NOLC1: variants seen among roughly 807,000 people sequenced by gnomAD.
NOLC1 encodes nucleolar and coiled-body phosphoprotein 1.
In NOLC1, 37 loss-of-function variants were observed where a neutral mutation model predicts 73.4. The ratio of observed to expected loss-of-function variants is 0.50; its 90% confidence interval spans 0.39 to 0.66. The LOEUF is 0.66. Among genes scored for constraint, NOLC1 ranks in the 30% least tolerant of loss-of-function variants. The pLI is 0.00. For synonymous variants in NOLC1, 327 were observed against 302.6 expected (o/e 1.08, Z -0.84); for missense variants, 921 against 838.9 (o/e 1.10, Z -1.21).
At chr10:102,161,507 C>A in intron 10 of NOLC1, 49 bp from the exon 11 acceptor site, 1 of 1,413,918 alleles carries the variant, frequency 7.1e-7, no homozygotes, top group Non-Finnish European at 1.0e-6. Flanking sequence ...GCTGGGGTTA[C>A]AGTTGTGAGC....
chr10:102,159,408 G>A, intron 6 of NOLC1, 25 bp from the exon 7 acceptor site: 1 of 1,613,914 alleles, frequency 6.2e-7, no homozygotes, highest in Non-Finnish European at 8.5e-7. Flanking sequence ...TTTTCCTGTG[G>A]TAATCAATTT....
At position 102,160,736 on chromosome 10, in the gene NOLC1, G is replaced by A; in HGVS notation, c.1384G>A (p.Ala462Thr). The A allele has an allele frequency of 6.2e-7, 1 of 1,614,114 alleles. No individual in the cohort carries two copies. Among genetic ancestry groups the A allele is most frequent in the Non-Finnish European group, 8.5e-7 (1 of 1,179,966 alleles). The change falls in exon 10 of 13, where the codon GCT becomes ACT. Residue 462 changes from alanine to threonine, a missense_variant. By Grantham distance (58) the Ala-to-Thr change is moderately conservative. Coordinates refer to ENST00000605788, the MANE Select transcript of NOLC1 (RefSeq NM_004741.5). Reference sequence around the variant, plus strand: ...AGCTCTATCTCTGCCTGCCAAGCAGGCTCCTCAGGGTAGTAGGGACAGCAG... The same window carrying A: ...AGCTCTATCTCTGCCTGCCAAGCAGACTCCTCAGGGTAGTAGGGACAGCAG... Reference protein sequence around the residue: ...KAALSLPAKQAPQGSRDSSSD... With the variant: ...KAALSLPAKQTPQGSRDSSSD...
chr10:102,160,830 A>C lies in NOLC1; in HGVS notation c.1478A>C (p.Lys493Thr). The C allele has an allele frequency of 6.2e-7, 1 of 1,614,192 alleles. No individual in the cohort carries two copies. Among genetic ancestry groups the C allele is most frequent in the Non-Finnish European group, 8.5e-7 (1 of 1,180,036 alleles). Residue 493 changes from lysine to threonine, a missense_variant, in exon 10 of 13, where the codon AAG (lysine) becomes ACG (threonine). Lys to Thr is a moderately conservative substitution (Grantham distance 78, BLOSUM62 -1). Coordinates refer to ENST00000605788, the MANE Select transcript of NOLC1 (RefSeq NM_004741.5). ...ACATCTAAGTCTGCAGTTAAGAAGAAGCCACAGAAGGTAGCAGGAGGTGCA... is the reference window on the plus strand; with the variant it reads ...ACATCTAAGTCTGCAGTTAAGAAGACGCCACAGAAGGTAGCAGGAGGTGCA... ...EKTSKSAVKKKPQKVAGGAAP... is the reference protein window; with the variant it reads ...EKTSKSAVKKTPQKVAGGAAP...
chr10:102,153,305 C>A (rs889920299), intron 1 of NOLC1, among the ~76,000 whole-genome samples: 1 of 152,232 alleles, frequency 6.6e-6, no homozygotes, highest in Non-Finnish European at 1.5e-5. Context: ...AAAGTGAAAG[C>A]TGTACCATAG....
intron 10 of NOLC1, 118 bp from the exon 11 acceptor site, chr10:102,161,438 C>T (rs1305203860): frequency 4.1e-6 from 3 of 731,508 alleles, no homozygotes; most frequent in East Asian, 2.7e-5. Context: ...CACTATATTG[C>T]CCAGGCTGAT....
chr10:102,152,659 G>A, intron 1 of NOLC1, 129 bp downstream of exon 1: 1 of 1,335,392 alleles, frequency 7.5e-7, no homozygotes, highest in Non-Finnish European at 1.0e-6. Context: ...CCTTTACGCC[G>A]ACCCCTCGGC....
At chr10:102,157,130 T>C (rs2069610482) in intron 2 of NOLC1, 56 bp downstream of exon 2, 1 of 1,613,990 alleles carries the variant, frequency 6.2e-7, no homozygotes, top group Non-Finnish European at 8.5e-7. Flanking sequence ...GGCTGGGCTG[T>C]GTTTCTTGGT....
intron 10 of NOLC1, 95 bp downstream of exon 10, chr10:102,161,188 A>G (rs991420444): frequency 1.2e-5 from 15 of 1,292,092 alleles, no homozygotes; most frequent in Middle Eastern, 1.9e-4. Flanking sequence ...GAGGCCCACC[A>G]CTGGGCTTCC....
In NOLC1 at chr10:102,158,104, G is replaced by T; in HGVS notation, c.497G>T (p.Ser166Ile). ...AAAGCTCCTCCTAAGAAGGCCAAGAGCTCTGATTCTGATTCTGACTCAAGC... is the reference window on the plus strand; with the variant it reads ...AAAGCTCCTCCTAAGAAGGCCAAGATCTCTGATTCTGATTCTGACTCAAGC... ...AAKAPPKKAKSSDSDSDSSSE... is the reference protein window; with the variant it reads ...AAKAPPKKAKISDSDSDSSSE... Residue 166 changes from serine (S) to isoleucine (I), a missense_variant, in exon 5 of 13, where the codon AGC (serine) becomes ATC (isoleucine). Ser to Ile is a moderately radical substitution (Grantham distance 142, BLOSUM62 -2). Coordinates refer to ENST00000605788, the MANE Select transcript of NOLC1 (RefSeq NM_004741.5). 1 of 1,614,154 alleles carries T rather than the reference G, an allele frequency of 6.2e-7. No individual in the cohort carries two copies. The highest frequency in any genetic ancestry group is 1.1e-5 in the South Asian group (1 of 91,082).
At chr10:102,158,942 A>T (rs1357167699) in intron 5 of NOLC1, among the ~76,000 whole-genome samples, 1 of 151,858 alleles carries the variant, frequency 6.6e-6, no homozygotes, top group Non-Finnish European at 1.5e-5. Flanking sequence ...TAAAAATATA[A>T]AAATTAGCTG....
intron 1 of NOLC1, 97 bp from the exon 2 acceptor site, chr10:102,156,922 A>T: frequency 2.6e-6 from 3 of 1,149,134 alleles, no homozygotes; most frequent in African/African-American, 1.5e-5. Context: ...TGTAACATTT[A>T]TACCAAATTT....
chr10:102,163,424 C>T lies in NOLC1; in HGVS notation c.*1155C>T, dbSNP rs1217244142. 1 of 152,172 alleles carries T rather than the reference C, an allele frequency of 6.6e-6. No homozygotes were observed. The highest frequency in any genetic ancestry group is 1.5e-5 in the Non-Finnish European group (1 of 68,038). 9.4% of individuals were successfully genotyped at this position (152,172 alleles called of 1,614,324 possible). On this transcript the variant is annotated 3_prime_UTR_variant, in exon 13 of 13. Transcript: ENST00000605788. The stretch of plus-strand genomic sequence containing the variant: ...CAAACTAATAGGATTATTGTGTCTC[C>T]TAGTTGGTACCTGGGAGCAATTGAC...
rs2069716544 is a variant in NOLC1, at chr10:102,161,913, C to G, written c.1929C>G (p.Ser643=). The G allele has an allele frequency of 6.2e-7, 1 of 1,613,984 alleles. No individual in the cohort carries two copies. ...IEVDSRVADN[S]FDAKRGAAGD... The stretch of plus-strand genomic sequence containing the variant: ...TGGATTCACGAGTTGCGGACAACTC[C>G]TTTGATGCCAAGGTGAGAGAGAGAT... Residue 643 remains serine, a synonymous_variant, in exon 12 of 13, where the codon TCC becomes TCG. Transcript: ENST00000605788.
chr10:102,156,971 A>G (rs374039615), intron 1 of NOLC1, 48 bp from the exon 2 acceptor site: 25 of 1,568,108 alleles, frequency 1.6e-5, no homozygotes, highest in Non-Finnish European at 2.0e-5. Flanking sequence ...TAATGAAAGC[A>G]TAACCAGGAT....
Position 102,159,065 on chromosome 10 carries a change from CAAAAAAAAAAA to C in NOLC1, c.608-109_608-99del, listed in dbSNP as rs35183508. On this transcript the variant is annotated intron_variant, in intron 5 of 12. Coordinates refer to ENST00000605788, the MANE Select transcript of NOLC1 (RefSeq NM_004741.5). ...CAGAGCCAGAGCCAGACTCCGTCTC[CAAAAAAAAAAA>C]AAAAAAAAAAAAAAAAAATGGTGGA... 2,943 of 356,928 alleles carry C rather than the reference CAAAAAAAAAAA, an allele frequency of 8.2e-3. 9 individuals carry two copies. The highest frequency in any genetic ancestry group is 0.056 in the East Asian group (1,179 of 21,096). The allele number at this position is 356,928 out of a possible 1,614,324, so 22.1% of individuals were successfully genotyped here.
intron 1 of NOLC1, among the ~76,000 whole-genome samples, chr10:102,154,994 T>C (rs2069567277): frequency 6.7e-6 from 1 of 149,944 alleles, no homozygotes. Flanking sequence ...TAGCTAGGAC[T>C]ACAGACATGT....
intron 3 of NOLC1, 42 bp downstream of exon 3, chr10:102,157,370 GA>G: frequency 6.2e-7 from 1 of 1,613,370 alleles, no homozygotes; most frequent in South Asian, 1.1e-5. Flanking sequence ...GCCAGGAAAA[GA>G]ATTTACAGCC....
rs979467830 is a variant in NOLC1 at position 102,161,071 on chromosome 10, G to A, written c.1719G>A (p.Ala573=). 11 of 1,608,654 alleles carry A rather than the reference G, an allele frequency of 6.8e-6. No homozygotes were observed. Among genetic ancestry groups the A allele is most frequent in the African/African-American group, 2.7e-5 (2 of 74,648 alleles). The change falls in exon 10 of 13, where the codon GCG becomes GCA. Residue 573 remains alanine (A), a synonymous_variant. Transcript: ENST00000605788. ...SEEEEEEKKK[A]AVVVSKSGSL... Reference sequence around the variant, plus strand: ...AGGAGGAAGAAGAAAAGAAAAAGGCGGCAGTGGTAGTTTCCAAATCAGGTC... The same window carrying A: ...AGGAGGAAGAAGAAAAGAAAAAGGCAGCAGTGGTAGTTTCCAAATCAGGTC...
intron 1 of NOLC1, 55 bp downstream of exon 1, chr10:102,152,585 C>G: frequency 6.2e-7 from 1 of 1,607,608 alleles, no homozygotes; most frequent in South Asian, 1.1e-5. Flanking sequence ...AGGCTTCAGG[C>G]CCTGACGTGC....
Sources: allele counts gnomAD v4.1 joint callset (sites outside exome capture counted in the v4.1 genomes callset), GRCh38; gene constraint gnomAD v4.1.1; transcripts MANE v1.5; gene names NCBI Gene and HGNC (gene_info 2026-07-23, HGNC 2026-07-21).